Variants in IL1RAPL1 observed in about 807,000 individuals in gnomAD.
The protein encoded by IL1RAPL1 is interleukin-1 receptor accessory protein-like 1.
Under a neutral mutation model 48.4 loss-of-function variants are expected in IL1RAPL1, and 3 were observed. That is an observed-to-expected ratio of 0.06 (90% CI 0.03 to 0.16). IL1RAPL1 has a LOEUF of 0.16. IL1RAPL1 is among the 10% of genes least tolerant of loss of function. The pLI is 1.00. For synonymous variants in IL1RAPL1, 185 were observed against 187.7 expected (o/e 0.99, Z 0.12); for missense variants, 349 against 530.6 (o/e 0.66, Z 3.36).
intron 2 of IL1RAPL1, among the ~76,000 whole-genome samples, chrX:29,118,082 C>T (rs749529332): frequency 8.0e-5 from 9 of 111,946 alleles, no homozygotes; most frequent in Admixed American, 9.5e-5. Context: ...TTTAATCTAA[C>T]GCCTGAAATT....
At chrX:28,677,127 A>G (rs191829919) in intron 1 of IL1RAPL1, among the ~76,000 whole-genome samples, 203 of 112,173 alleles carry the variant, frequency 1.8e-3, no homozygotes, top group African/African-American at 6.3e-3. Context: ...ATAATGAGAC[A>G]GATATGTTAT....
At chrX:29,483,139 T>C (rs1245842368) in intron 5 of IL1RAPL1, among the ~76,000 whole-genome samples, 2 of 112,051 alleles carry the variant, frequency 1.8e-5, no homozygotes, top group Non-Finnish European at 3.8e-5. Context: ...TTCCTAAATA[T>C]AGTGCAGTTT....
intron 3 of IL1RAPL1, among the ~76,000 whole-genome samples, chrX:29,384,324 A>T (rs1933747874): frequency 8.9e-6 from 1 of 111,801 alleles, no homozygotes; most frequent in Non-Finnish European, 1.9e-5. Flanking sequence ...GAAAGGATAG[A>T]TCCCCTCTTG....
chrX:29,108,415 T>G (rs1002833534), intron 2 of IL1RAPL1, among the ~76,000 whole-genome samples: 11 of 111,087 alleles, frequency 9.9e-5, no homozygotes, highest in South Asian at 3.8e-4. Flanking sequence ...TTGTTTGTTT[T>G]TTTGAGACGG....
intron 3 of IL1RAPL1, among the ~76,000 whole-genome samples, chrX:29,302,150 C>T (rs1281479709): frequency 3.6e-5 from 4 of 111,369 alleles, no homozygotes; most frequent in Non-Finnish European, 7.5e-5. Context: ...GCCTAAATGT[C>T]GCAGAGAAAA....
intron 1 of IL1RAPL1, among the ~76,000 whole-genome samples, chrX:28,664,008 C>T (rs1161497860): frequency 8.9e-6 from 1 of 112,059 alleles, no homozygotes; most frequent in Non-Finnish European, 1.9e-5. Flanking sequence ...TGACATAACC[C>T]TGGAGCCTGT....
chrX:29,896,583 A>C (rs1932387697), intron 6 of IL1RAPL1, among the ~76,000 whole-genome samples: 1 of 112,832 alleles, frequency 8.9e-6, no homozygotes, highest in Admixed American at 9.3e-5. Context: ...TCTTCATCTA[A>C]TATCAGAGCC....
intron 2 of IL1RAPL1, among the ~76,000 whole-genome samples, chrX:28,846,446 G>C (rs965021009): frequency 1.8e-5 from 2 of 111,688 alleles, no homozygotes; most frequent in Non-Finnish European, 3.8e-5. Flanking sequence ...ATTCCGAGGA[G>C]TGTGACTACT....
At chrX:29,324,903 T>C (rs1932833681) in intron 3 of IL1RAPL1, among the ~76,000 whole-genome samples, 1 of 111,920 alleles carries the variant, frequency 8.9e-6, no homozygotes, top group African/African-American at 3.2e-5. Flanking sequence ...AATTCACTAG[T>C]TAGAACCAAG....
intron 2 of IL1RAPL1, among the ~76,000 whole-genome samples, chrX:29,051,324 G>C (rs1927088736): frequency 8.9e-6 from 1 of 111,740 alleles, no homozygotes; most frequent in Non-Finnish European, 1.9e-5. Flanking sequence ...GATTCTCCTG[G>C]TTTCCAATCC....
intron 3 of IL1RAPL1, among the ~76,000 whole-genome samples, chrX:29,319,364 A>ATTTTTTTTTT (rs762918998): frequency 3.6e-4 from 21 of 58,147 alleles, no homozygotes; most frequent in African/African-American, 1.2e-3. Context: ...GATAAATTTA[A>ATTTTTTTTTT]TTTTTTTTTT....
chrX:29,809,749 G>T (rs917977059), intron 6 of IL1RAPL1, among the ~76,000 whole-genome samples: 10 of 107,260 alleles, frequency 9.3e-5, no homozygotes, highest in African/African-American at 3.1e-4. Flanking sequence ...TATTAAATAG[G>T]TTGATTAAAT....
chrX:28,702,214 T>C (rs1193973348), intron 1 of IL1RAPL1, among the ~76,000 whole-genome samples: 2 of 111,860 alleles, frequency 1.8e-5, no homozygotes, highest in African/African-American at 6.5e-5. Flanking sequence ...GTTAGTTATG[T>C]TGTGTTTTTA....
intron 5 of IL1RAPL1, among the ~76,000 whole-genome samples, chrX:29,418,089 TAATATATATA>T (rs1446781215): frequency 4.6e-4 from 24 of 52,333 alleles, no homozygotes; most frequent in Admixed American, 9.1e-4. Flanking sequence ...TTTAAAAAAG[TAATATATATA>T]TATATATATA....
chrX:29,332,612 A>G (rs966758938), intron 3 of IL1RAPL1, among the ~76,000 whole-genome samples: 1 of 15,933 alleles, frequency 6.3e-5, no homozygotes, highest in Non-Finnish European at 1.3e-4. Flanking sequence ...CCCATATTTT[A>G]TTTATTTATT....
At chrX:28,607,584 G>A (rs1031506677) in intron 1 of IL1RAPL1, among the ~76,000 whole-genome samples, 1 of 110,896 alleles carries the variant, frequency 9.0e-6, no homozygotes, top group Non-Finnish European at 1.9e-5. Flanking sequence ...CAAACTCCAC[G>A]TAATTGCCTG....
At chrX:29,452,386 G>C (rs1409289008) in intron 5 of IL1RAPL1, among the ~76,000 whole-genome samples, 4 of 111,665 alleles carry the variant, frequency 3.6e-5, no homozygotes, top group Non-Finnish European at 7.5e-5. Flanking sequence ...ATATATGGCA[G>C]CAGGTAATTG....
chrX:29,447,894 A>G (rs1046295158), intron 5 of IL1RAPL1, among the ~76,000 whole-genome samples: 1 of 112,268 alleles, frequency 8.9e-6, no homozygotes, highest in Non-Finnish European at 1.9e-5. Flanking sequence ...TTGAACAGTT[A>G]GGGTAGACTT....
At chrX:28,658,355 C>G (rs1481256950) in intron 1 of IL1RAPL1, among the ~76,000 whole-genome samples, 3 of 111,398 alleles carry the variant, frequency 2.7e-5, no homozygotes, top group African/African-American at 9.8e-5. Context: ...GTAGCTGGGA[C>G]TACAGGTGCT....
Sources: gnomAD v4.1 joint callset for allele counts (sites outside exome capture counted in the v4.1 genomes callset) on GRCh38, gnomAD v4.1.1 for gene constraint, MANE v1.5 for transcripts, NCBI Gene and HGNC (gene_info 2026-07-23, HGNC 2026-07-21) for gene names.